C4orf54: variants seen among roughly 807,000 people sequenced by gnomAD.
C4orf54 encodes the protein chromosome 4 open reading frame 54.
C4orf54 carries 67 observed loss-of-function variants against 80.1 expected under a neutral mutation model. That is an observed-to-expected ratio of 0.84 (90% confidence interval 0.69 to 1.03). The LOEUF is 1.03. Ranked by LOEUF, C4orf54 falls within the 50% of genes least tolerant of loss-of-function variation. The pLI is 0.00. For synonymous variants in C4orf54, 1,000 were observed against 917.0 expected, an observed-to-expected ratio of 1.09 and a Z score of -1.64; for missense variants, 2,434 against 2,253.5, an observed-to-expected ratio of 1.08 and a Z score of -1.62.
chr4:99,656,083 T>C lies in C4orf54; in HGVS notation c.-31-1404A>G, dbSNP rs1042331632. 3.3e-5 allele frequency among the ~76,000 whole-genome samples: 5 copies of C among 151,896 alleles called. 1 individual carries two copies. Among genetic ancestry groups the C allele is most frequent in the Non-Finnish European group, 7.4e-5 (5 of 68,008 alleles). On this transcript the variant is annotated intron_variant, in intron 1 of 2. Coordinates refer to ENST00000511828, the MANE Select transcript of C4orf54 (RefSeq NM_001354435.2). ...GCCCACACCACTGCCATTAAAAGTA[T>C]GACTTAAGGCAAGACTAAAAATACC...
chr4:99,643,792 A>ACACACAC (rs61130907), intron 2 of C4orf54, among the ~76,000 whole-genome samples: 43 of 98,898 alleles, frequency 4.3e-4, no homozygotes, highest in Non-Finnish European at 7.4e-4. Context: ...ACACACACAC[A>ACACACAC]CCCCCTCCGC....
Position 99,651,012 on chromosome 4 carries a change from G to C in C4orf54, c.3637C>G (p.Gln1213Glu), listed in dbSNP as rs1161687225. Residue 1213 changes from glutamine to glutamate, a missense_variant, in exon 2 of 3, where the codon CAG becomes GAG. By Grantham distance (29) the Gln-to-Glu change is conservative. Coordinates refer to ENST00000511828, the MANE Select transcript of C4orf54 (RefSeq NM_001354435.2). Reference sequence around the variant, plus strand: ...TTGAGCACAGGCAGGTATGAGCCCTGCTCGGGCTTATTGGGGGCAATGGTA... The same window carrying C: ...TTGAGCACAGGCAGGTATGAGCCCTCCTCGGGCTTATTGGGGGCAATGGTA... ...VATIAPNKPE[Q>E]GSYLPVLKIV... 2.0e-6 allele frequency: 3 copies of C among 1,535,984 alleles called. No individual in the cohort carries two copies. The highest frequency in any genetic ancestry group is 2.0e-5 in the Admixed American group (1 of 50,974).
rs1560634918 is a variant in C4orf54 at position 99,643,794 on chromosome 4, C to CACACACACACACA, written c.*37-2599_*37-2598insTGTGTGTGTGTGT. On this transcript the variant is annotated intron_variant, in intron 2 of 2. Transcript: ENST00000511828. Reference sequence around the variant, plus strand: ...CACACACACACACACACACACACACCCCCTCCGCGGCAGTAAAACGGCCAG... The same window carrying CACACACACACACA: ...CACACACACACACACACACACACACCACACACACACACACCCTCCGCGGCAGTAAAACGGCCAG... 2.4e-3 allele frequency among the ~76,000 whole-genome samples: 158 copies of CACACACACACACA among 65,176 alleles called. 1 individual carries two copies. The highest frequency in any genetic ancestry group is 5.9e-3 in the Middle Eastern group (1 of 170). 42.8% of individuals were successfully genotyped at this position (65,176 alleles called of 152,430 possible).
Position 99,652,039 on chromosome 4 carries a change from G to A in C4orf54, c.2610C>T (p.Ser870=), listed in dbSNP as rs1726848475. Residue 870 remains serine, a synonymous_variant, in exon 2 of 3, where the codon TCC becomes TCT. Transcript: ENST00000511828. The part of the protein sequence containing the change: ...RGLQRQSSRH[S]EAGSEYTVVS... ...CCACTGTGTACTCGGAGCCGGCCTCGGAGTGACGAGAGCTCTGCCTCTGCA... is the reference window on the plus strand; with the variant it reads ...CCACTGTGTACTCGGAGCCGGCCTCAGAGTGACGAGAGCTCTGCCTCTGCA... The A allele has an allele frequency of 3.9e-6, 6 of 1,536,064 alleles. No homozygotes were observed. The highest frequency in any genetic ancestry group is 2.4e-5 in the East Asian group (1 of 40,886).
rs1393081910 is a variant in C4orf54 at position 99,653,496 on chromosome 4, C to A, written c.1153G>T (p.Asp385Tyr). The A allele has an allele frequency of 6.5e-7, 1 of 1,536,096 alleles. No homozygotes were observed. Among genetic ancestry groups the A allele is most frequent in the African/African-American group, 1.4e-5 (1 of 73,142 alleles). The change falls in exon 2 of 3, where the codon GAC (aspartate) becomes TAC (tyrosine). Residue 385 changes from aspartate to tyrosine, a missense_variant. Asp to Tyr is a radical substitution (Grantham distance 160). Coordinates refer to ENST00000511828, the MANE Select transcript of C4orf54 (RefSeq NM_001354435.2). ...TCCCAGCGGGAGGCCAGTCCCACGT[C>A]GAAATCCATGTCCTGTTCCACCTCA... ...LSEVEQDMDF[D>Y]VGLASRWDFE...
Position 99,650,913 on chromosome 4 carries a change from C to T in C4orf54, c.3736G>A (p.Ala1246Thr). 3.3e-6 allele frequency: 5 copies of T among 1,536,198 alleles called. No homozygotes were observed. The highest frequency in any genetic ancestry group is 2.4e-5 in the South Asian group (2 of 84,052). The change falls in exon 2 of 3, where the codon GCC (alanine) becomes ACC (threonine). Residue 1246 changes from alanine (A) to threonine (T), a missense_variant. Physicochemically the swap from Ala to Thr is moderately conservative, Grantham distance 58. Coordinates refer to ENST00000511828, the MANE Select transcript of C4orf54 (RefSeq NM_001354435.2). The stretch of plus-strand genomic sequence containing the variant: ...AGGGCATTCCGGGCTGGCTTCGTGG[C>T]TTTCCCTTCCTCCTTGACCTCCTCC... ...KEEEVKEEGK[A>T]TKPARNALEK... is the part of the protein sequence containing the mutation.
chr4:99,647,667 T>A (rs1170510532), intron 2 of C4orf54, among the ~76,000 whole-genome samples: 1 of 152,250 alleles, frequency 6.6e-6, no homozygotes, highest in South Asian at 2.1e-4. Context: ...AAGGGTTTTT[T>A]AAAGTGTCTA....
In C4orf54 at chr4:99,651,156, T is replaced by G. The variant is rs969440719; in HGVS notation, c.3493A>C (p.Ser1165Arg). 2.0e-5 allele frequency: 30 copies of G among 1,536,062 alleles called. No homozygotes were observed. Among genetic ancestry groups the G allele is most frequent in the Non-Finnish European group, 2.5e-5 (29 of 1,146,922 alleles). Residue 1165 changes from serine (S) to arginine (R), a missense_variant, in exon 2 of 3, where the codon AGC (serine) becomes CGC (arginine). Physicochemically the swap from Ser to Arg is moderately radical, Grantham distance 110. Transcript: ENST00000511828. ...CQAVVNQREDSMDREPRESMG... is the reference protein window; with the variant it reads ...CQAVVNQREDRMDREPRESMG... ...CTTTCCCTGGGCTCTCGGTCCATGC[T>G]GTCTTCCCTCTGGTTCACTACAGCC...
chr4:99,652,287 A>G lies in C4orf54; in HGVS notation c.2362T>C (p.Ser788Pro). Reference sequence around the variant, plus strand: ...GGCTTGCTGCCCTCGGAGGTCTCGGAGCCGTCGTCCGTGTATGCCGACCCG... The same window carrying G: ...GGCTTGCTGCCCTCGGAGGTCTCGGGGCCGTCGTCCGTGTATGCCGACCCG... ...GPGSAYTDDG[S>P]ETSEGSKPTS... is the part of the protein sequence containing the mutation. Residue 788 changes from serine to proline, a missense_variant, in exon 2 of 3, where the codon TCC becomes CCC. Ser to Pro is a moderately conservative substitution (Grantham distance 74). Transcript: ENST00000511828. The G allele has an allele frequency of 6.5e-7, 1 of 1,535,812 alleles. No individual in the cohort carries two copies. Among genetic ancestry groups the G allele is most frequent in the Middle Eastern group, 1.7e-4 (1 of 5,990 alleles).
At chr4:99,644,235 C>T (rs1726660245) in intron 2 of C4orf54, among the ~76,000 whole-genome samples, 1 of 152,070 alleles carries the variant, frequency 6.6e-6, no homozygotes, top group Non-Finnish European at 1.5e-5. Flanking sequence ...TGTGTTAATT[C>T]AATGATGTTA....
chr4:99,643,788 A>ACCCCCCC (rs1726648950), intron 2 of C4orf54, among the ~76,000 whole-genome samples: 1 of 111,222 alleles, frequency 9.0e-6, no homozygotes, highest in Admixed American at 8.8e-5. Flanking sequence ...ACACACACAC[A>ACCCCCCC]CACACCCCCT....
chr4:99,650,424 C>T lies in C4orf54; in HGVS notation c.4225G>A (p.Gly1409Arg). Residue 1409 changes from glycine (G) to arginine (R), a missense_variant, in exon 2 of 3, where the codon GGG becomes AGG. By Grantham distance (125) the Gly-to-Arg change is moderately radical. Transcript: ENST00000511828. ...TGTGGGAACTTGCCAGCGACACCCC[C>T]AGTTTTCTGGATGCTGCTGGCACTC... ...TVSASSIQKT[G>R]GVAGKFPQGP... is the part of the protein sequence containing the mutation. The T allele has an allele frequency of 6.5e-7, 1 of 1,536,060 alleles. No individual in the cohort carries two copies. Among genetic ancestry groups the T allele is most frequent in the Non-Finnish European group, 8.7e-7 (1 of 1,146,878 alleles).
chr4:99,650,117 G>T lies in C4orf54; in HGVS notation c.4532C>A (p.Ala1511Asp). 1 of 1,535,964 alleles carries T rather than the reference G, an allele frequency of 6.5e-7. No individual in the cohort carries two copies. The highest frequency in any genetic ancestry group is 2.4e-5 in the East Asian group (1 of 40,890). Residue 1511 changes from alanine to aspartate, a missense_variant, in exon 2 of 3, where the codon GCC becomes GAC. By Grantham distance (126) the Ala-to-Asp change is moderately radical. Coordinates refer to ENST00000511828, the MANE Select transcript of C4orf54 (RefSeq NM_001354435.2). ...ATLCSLPPLSARSQVPSSSKG... is the reference protein window; with the variant it reads ...ATLCSLPPLSDRSQVPSSSKG... ...GGAGCTACTGGGGACCTGACTGCGG[G>T]CACTCAGCGGGGGTAAACTACAGAG...
chr4:99,638,119 G>T lies in C4orf54; in HGVS notation c.*3114C>A, dbSNP rs958622351. 3 of 152,080 alleles carry T rather than the reference G, an allele frequency of 2.0e-5. No homozygotes were observed. Among genetic ancestry groups the T allele is most frequent in the African/African-American group, 7.2e-5 (3 of 41,430 alleles). The allele number at this position is 152,080 out of a possible 1,614,324, so 9.4% of individuals were successfully genotyped here. ...GAATTTATATCACCAGATATTTCCA[G>T]TGACATAAGGATGTATTAGAAATGC... On this transcript the variant is annotated 3_prime_UTR_variant, in exon 3 of 3. Coordinates refer to ENST00000511828, the MANE Select transcript of C4orf54 (RefSeq NM_001354435.2).
chr4:99,649,181 AT>A (rs1726749322), intron 2 of C4orf54, 49 bp downstream of exon 2: 3 of 1,411,074 alleles, frequency 2.1e-6, no homozygotes, highest in East Asian at 2.5e-5. Context: ...AAACAAAAAA[AT>A]ATTGTTCTTA....
In C4orf54 at chr4:99,649,971, A is replaced by ACC. The variant is rs1464739022; in HGVS notation, c.4677_4678insGG (p.Tyr1560GlyfsTer58). 1 of 1,531,704 alleles carries ACC rather than the reference A, an allele frequency of 6.5e-7. No homozygotes were observed. Among genetic ancestry groups the ACC allele is most frequent in the African/African-American group, 1.4e-5 (1 of 72,010 alleles). 94.9% of individuals were successfully genotyped at this position (1,531,704 alleles called of 1,614,324 possible). ...GTGAAGGGCAGCGGCGGCTGGTGGT[A>ACC]GATGGTGGTGGGGGGATGCTCGGGG... is the stretch of plus-strand genomic sequence containing the variant. On this transcript the variant is annotated frameshift_variant, in exon 2 of 3. Coordinates refer to ENST00000511828, the MANE Select transcript of C4orf54 (RefSeq NM_001354435.2). LOFTEE classifies it low-confidence loss of function (END_TRUNC).
intron 2 of C4orf54, among the ~76,000 whole-genome samples, chr4:99,648,836 C>T (rs759298578): frequency 2.0e-5 from 3 of 152,178 alleles, no homozygotes; most frequent in Non-Finnish European, 2.9e-5. Flanking sequence ...ATGTTCAGTG[C>T]CTCCTGTCCC....
rs1726911129 is a variant in C4orf54 at position 99,653,734 on chromosome 4, G to C, written c.915C>G (p.Phe305Leu). ...ALATSSSSLG[F>L]ESESGESEGC... Reference sequence around the variant, plus strand: ...CTTCACTTTCACCACTCTCACTCTCGAAGCCTAAGGATGAAGAGGAGGTGG... The same window carrying C: ...CTTCACTTTCACCACTCTCACTCTCCAAGCCTAAGGATGAAGAGGAGGTGG... Residue 305 changes from phenylalanine (F) to leucine (L), a missense_variant, in exon 2 of 3, where the codon TTC (phenylalanine) becomes TTG (leucine). Physicochemically the swap from Phe to Leu is conservative, Grantham distance 22. Coordinates refer to ENST00000511828, the MANE Select transcript of C4orf54 (RefSeq NM_001354435.2). 2 of 1,534,902 alleles carry C rather than the reference G, an allele frequency of 1.3e-6. No individual in the cohort carries two copies. Among genetic ancestry groups the C allele is most frequent in the South Asian group, 2.4e-5 (2 of 83,976 alleles).
chr4:99,652,227 A>G lies in C4orf54; in HGVS notation c.2422T>C (p.Phe808Leu), dbSNP rs1009318615. Residue 808 changes from phenylalanine (F) to leucine (L), a missense_variant, in exon 2 of 3, where the codon TTC becomes CTC. Transcript: ENST00000511828. ...ACATTTTTGAGCAGACTGGAGGCGA[A>G]CTTGGACTTCTGGGGGCCATCGGCG... Reference protein sequence around the residue: ...SRADGPQKSKFASSLLKNVIS... With the variant: ...SRADGPQKSKLASSLLKNVIS... 1.6e-5 allele frequency: 25 copies of G among 1,534,992 alleles called. No individual in the cohort carries two copies. Among genetic ancestry groups the G allele is most frequent in the Non-Finnish European group, 2.0e-5 (23 of 1,146,726 alleles).
Sources: gnomAD v4.1 joint callset for allele counts (sites outside exome capture counted in the v4.1 genomes callset) on GRCh38, gnomAD v4.1.1 for gene constraint, MANE v1.5 for transcripts, NCBI Gene and HGNC (gene_info 2026-07-23, HGNC 2026-07-21) for gene names.